HMCN1: variants seen among roughly 807,000 people sequenced by gnomAD.
HMCN1 encodes hemicentin-1.
In HMCN1, 321 loss-of-function variants were observed where a neutral mutation model predicts 625.9. That is an observed-to-expected ratio of 0.51 (90% CI 0.47 to 0.56). The LOEUF is 0.56. HMCN1 is among the 20% of genes least tolerant of loss of function. HMCN1 has a pLI of 0.00. For synonymous variants in HMCN1, 2,425 were observed against 2,417.6 expected, an observed-to-expected ratio of 1.00 and a Z score of -0.09; for missense variants, 6,588 against 6,887.3, an observed-to-expected ratio of 0.96 and a Z score of 1.54.
chr1:185,845,736 G>T (rs1181587698), intron 1 of HMCN1, among the ~76,000 whole-genome samples: 3 of 152,288 alleles, frequency 2.0e-5, no homozygotes, highest in Middle Eastern at 3.4e-3. Flanking sequence ...TTACTGACGA[G>T]AATAAGAAAG....
intron 48 of HMCN1, among the ~76,000 whole-genome samples, chr1:186,063,066 G>GTGTGTGTATA (rs1491400415): frequency 1.3e-4 from 4 of 29,940 alleles, no homozygotes; most frequent in Non-Finnish European, 2.4e-4. Flanking sequence ...GTGTGTGTGT[G>GTGTGTGTATA]CATATATATA....
intron 36 of HMCN1, among the ~76,000 whole-genome samples, chr1:186,027,353 C>T (rs970132773): frequency 2.6e-5 from 4 of 152,100 alleles, no homozygotes; most frequent in African/African-American, 4.8e-5. Flanking sequence ...TTGCCAAGTG[C>T]GACAGATGTT....
At chr1:186,163,138 C>T (rs909347003) in intron 97 of HMCN1, among the ~76,000 whole-genome samples, 1 of 152,230 alleles carries the variant, frequency 6.6e-6, no homozygotes, top group South Asian at 2.1e-4. Context: ...AGCCTCACTG[C>T]TGCCTTGCAG....
chr1:185,900,764 T>A (rs73058244), intron 4 of HMCN1, among the ~76,000 whole-genome samples: 4,637 of 151,988 alleles, frequency 0.031, 258 homozygotes, highest in African/African-American at 0.11. Flanking sequence ...ACAGAGAATA[T>A]GATGAGATAT....
In HMCN1 at chr1:186,120,149, C is replaced by A; in HGVS notation, c.12229+4C>A. 2 of 1,613,488 alleles carry A rather than the reference C, an allele frequency of 1.2e-6. No individual in the cohort carries two copies. Among genetic ancestry groups the A allele is most frequent in the Non-Finnish European group, 8.5e-7 (1 of 1,179,666 alleles). ...AAAATCAAGTTAAATGTCCAAGGTA[C>A]CTAAATAATTCATCTCTGTTTTCAA... On this transcript the variant is annotated splice_donor_region_variant and intron_variant, in intron 80 of 106. Coordinates refer to ENST00000271588, the MANE Select transcript of HMCN1 (RefSeq NM_031935.3).
At position 186,045,671 on chromosome 1, in the gene HMCN1, A is replaced by C; in HGVS notation, c.6305-17A>C. On this transcript the variant is annotated splice_polypyrimidine_tract_variant and intron_variant, in intron 40 of 106. Transcript: ENST00000271588. The stretch of plus-strand genomic sequence containing the variant: ...CTGGCCTGTTTTATCCTGAAAGAAA[A>C]CCCATCTTTCATGTAGTTCCGCCAA... 6.2e-7 allele frequency: 1 copy of C among 1,604,328 alleles called. No homozygotes were observed. Among genetic ancestry groups the C allele is most frequent in the Non-Finnish European group, 8.5e-7 (1 of 1,171,290 alleles).
chr1:186,174,455 T>C (rs1652433125), intron 102 of HMCN1, 59 bp from the exon 103 acceptor site: 1 of 1,598,858 alleles, frequency 6.3e-7, no homozygotes, highest in Non-Finnish European at 8.6e-7. Context: ...TGACTTTAAA[T>C]ACAATGACTT....
chr1:185,784,301 G>A lies in HMCN1; in HGVS notation c.268+49254G>A, dbSNP rs186308962. 1.5e-3 allele frequency among the ~76,000 whole-genome samples: 233 copies of A among 152,170 alleles called. 2 individuals carry two copies. Among genetic ancestry groups the A allele is most frequent in the African/African-American group, 5.4e-3 (225 of 41,520 alleles). ...GAATTTCTGACCCCTTGCACTTCCC[G>A]GGTGAGGCAATGCCTCACTCTGCCT... On this transcript the variant is annotated intron_variant, in intron 1 of 106. Transcript: ENST00000271588.
intron 4 of HMCN1, among the ~76,000 whole-genome samples, chr1:185,885,571 A>G (rs1222134636): frequency 6.6e-6 from 1 of 151,168 alleles, no homozygotes; most frequent in East Asian, 1.9e-4. Context: ...ACATGTCACT[A>G]TAGTAAGGGA....
chr1:185,963,898 A>T lies in HMCN1; in HGVS notation c.2098+3A>T. On this transcript the variant is annotated splice_donor_region_variant and intron_variant, in intron 13 of 106. Transcript: ENST00000271588. ...GAATTCTACTCTCAGATACATTGGC[A>T]AGTATAATCACTTTAAAAGGCAATT... is the stretch of plus-strand genomic sequence containing the variant. The T allele has an allele frequency of 6.2e-7, 1 of 1,611,134 alleles. No individual in the cohort carries two copies.
At chr1:186,043,669 G>A (rs976326583) in intron 40 of HMCN1, among the ~76,000 whole-genome samples, 2 of 151,998 alleles carry the variant, frequency 1.3e-5, no homozygotes, top group African/African-American at 4.8e-5. Context: ...ATTCAATGAG[G>A]CCAAACTTTA....
chr1:185,946,491 A>G (rs1407319637), intron 11 of HMCN1, among the ~76,000 whole-genome samples: 1 of 152,198 alleles, frequency 6.6e-6, no homozygotes. Flanking sequence ...TCTAAGCCAA[A>G]TGGGAAGGCA....
At chr1:185,935,507 T>A (rs531312674) in intron 11 of HMCN1, among the ~76,000 whole-genome samples, 5 of 152,268 alleles carry the variant, frequency 3.3e-5, no homozygotes, top group African/African-American at 1.2e-4. Context: ...CTCTTGACTC[T>A]CTTCTTGCTG....
At chr1:186,173,236 GAGAT>G (rs991395250) in intron 102 of HMCN1, among the ~76,000 whole-genome samples, 15 of 152,050 alleles carry the variant, frequency 9.9e-5, no homozygotes, top group Non-Finnish European at 2.1e-4. Flanking sequence ...ATAGGAGTGG[GAGAT>G]AGATATAGAT....
chr1:185,779,954 C>T (rs1451163254), intron 1 of HMCN1, among the ~76,000 whole-genome samples: 4 of 152,200 alleles, frequency 2.6e-5, no homozygotes, highest in African/African-American at 7.2e-5. Context: ...GCCATTTTCA[C>T]AATATTGATT....
At chr1:185,951,090 G>C (rs1668637240) in intron 11 of HMCN1, among the ~76,000 whole-genome samples, 1 of 151,642 alleles carries the variant, frequency 6.6e-6, no homozygotes, top group South Asian at 2.1e-4. Context: ...GATGGTAAGG[G>C]GTGCATGATC....
Position 186,078,091 on chromosome 1 carries a change from G to A in HMCN1, c.8486-16G>A, listed in dbSNP as rs1448698509. ...CTAAGATTAGAGGAGTAAACATAGT[G>A]GGATATTATTTTCAGGAGGGCGAGT... On this transcript the variant is annotated splice_polypyrimidine_tract_variant and intron_variant, in intron 54 of 106. Coordinates refer to ENST00000271588, the MANE Select transcript of HMCN1 (RefSeq NM_031935.3). 2 of 1,575,518 alleles carry A rather than the reference G, an allele frequency of 1.3e-6. No homozygotes were observed. Among genetic ancestry groups the A allele is most frequent in the South Asian group, 1.1e-5 (1 of 90,014 alleles).
At position 185,834,979 on chromosome 1, in the gene HMCN1, TTA is replaced by T. The variant is rs551107954; in HGVS notation, c.269-11045_269-11044del. On this transcript the variant is annotated intron_variant, in intron 1 of 106. Coordinates refer to ENST00000271588, the MANE Select transcript of HMCN1 (RefSeq NM_031935.3). ...ATGTAGAGATGGGCATTTTTCTAGATTATGTTGGAAACAGTGACAGATAACAT... is the reference window on the plus strand; with the variant it reads ...ATGTAGAGATGGGCATTTTTCTAGATTGTTGGAAACAGTGACAGATAACAT... 4.1e-4 allele frequency among the ~76,000 whole-genome samples: 63 copies of T among 152,276 alleles called. No homozygotes were observed. The Middle Eastern group carries it at 0.017, about 41-fold the overall frequency.
chr1:186,108,025 G>A (rs1660696860), intron 70 of HMCN1, among the ~76,000 whole-genome samples: 3 of 109,334 alleles, frequency 2.7e-5, no homozygotes, highest in Admixed American at 2.4e-4. Context: ...TAATTGACAC[G>A]TAAATTCTGT....
Sources: gnomAD v4.1 joint callset for allele counts (sites outside exome capture counted in the v4.1 genomes callset) on GRCh38, gnomAD v4.1.1 for gene constraint, MANE v1.5 for transcripts, NCBI Gene and HGNC (gene_info 2026-07-23, HGNC 2026-07-21) for gene names.